Variants in DUSP18 observed in about 807,000 individuals in gnomAD.
DUSP18 encodes dual specificity phosphatase 18.
Under a neutral mutation model 6.3 loss-of-function variants are expected in DUSP18, and 4 were observed. The ratio of observed to expected loss-of-function variants is 0.63; its 90% CI spans 0.31 to 1.45. The LOEUF is 1.45. DUSP18 is among the 40% of genes most tolerant of loss of function. The pLI, the probability that DUSP18 is intolerant of heterozygous loss-of-function variation, is 0.07. For missense variants in DUSP18, 235 were observed against 247.7 expected, an observed-to-expected ratio of 0.95 and a Z score of 0.34; for synonymous variants, 96 against 95.1, an observed-to-expected ratio of 1.01 and a Z score of -0.05.
intron 1 of DUSP18, among the ~76,000 whole-genome samples, chr22:30,665,943 G>A (rs933131374): frequency 4.6e-5 from 7 of 152,162 alleles, no homozygotes; most frequent in African/African-American, 1.7e-4. Context: ...GGGGCTGGGT[G>A]GGGATGGGGG....
Position 30,666,734 on chromosome 22 carries a change from C to G in DUSP18, c.-78+728G>C, listed in dbSNP as rs1463627926. ...CCCCTTTTCTCAGGGAGCTCAAAGA[C>G]TAGTGGGAGAAACAGATAGTAAACA... On this transcript the variant is annotated intron_variant, in intron 1 of 1. Transcript: ENST00000334679. 2.7e-5 allele frequency: 4 copies of G among 148,354 alleles called. No homozygotes were observed. In the East Asian group the frequency reaches 8.0e-4, roughly 30 times the overall value. The allele number at this position is 148,354 out of a possible 1,614,324, so 9.2% of individuals were successfully genotyped here.
Position 30,663,262 on chromosome 22 carries a change from T to TG in DUSP18, c.*174_*175insC, listed in dbSNP as rs1253650364. The TG allele has an allele frequency of 2.8e-5, 19 of 676,420 alleles. No homozygotes were observed. The highest frequency in any genetic ancestry group is 2.6e-5 in the Non-Finnish European group (11 of 415,150). The allele number at this position is 676,420 out of a possible 1,614,324, so 41.9% of individuals were successfully genotyped here. On this transcript the variant is annotated 3_prime_UTR_variant, in exon 2 of 2. Coordinates refer to ENST00000334679, the MANE Select transcript of DUSP18 (RefSeq NM_152511.5). The stretch of plus-strand genomic sequence containing the variant: ...TCACCATCTCACAATTAGTTTAATC[T>TG]TAAAAAAAATGGATTATAAAGTTAA...
At chr22:30,657,835 C>T (rs944657556), downstream of DUSP18, among the ~76,000 whole-genome samples, 19 of 150,706 alleles carry the variant, frequency 1.3e-4, no homozygotes, top group East Asian at 3.3e-3. Flanking sequence ...ACTCGGGAGG[C>T]GGAGCTTGCA....
At chr22:30,652,354 G>T (rs1278368494) in intron 2 of DUSP18, 1 of 152,184 alleles carries the variant, frequency 6.6e-6, no homozygotes, top group African/African-American at 2.4e-5. Flanking sequence ...TCAGAATCTT[G>T]CAGCCTCCAG....
chr22:30,658,188 TCCCA>T, downstream of DUSP18, among the ~76,000 whole-genome samples: 1 of 151,634 alleles, frequency 6.6e-6, no homozygotes, highest in Non-Finnish European at 1.5e-5. Context: ...AGTCTGTCTC[TCCCA>T]CTGGCTGCAA....
In DUSP18 at chr22:30,663,441, A is replaced by G. The variant is rs997453283; in HGVS notation, c.563T>C (p.Leu188Pro). The change falls in exon 2 of 2, where the codon CTG becomes CCG. Residue 188 changes from leucine (L) to proline (P), a missense_variant. Coordinates refer to ENST00000334679, the MANE Select transcript of DUSP18 (RefSeq NM_152511.5). ...TGCAGGGGCTCGTGGGATGGCTCAC[A>G]GTGGAATCATCAAACGGACTTCCTT... ...YEKEVRLMIP[L>P] 2.0e-5 allele frequency: 32 copies of G among 1,607,818 alleles called. No homozygotes were observed. Among genetic ancestry groups the G allele is most frequent in the Non-Finnish European group, 1.4e-5 (17 of 1,175,022 alleles).
intron 2 of DUSP18, chr22:30,654,461 C>T: frequency 4.6e-6 from 2 of 436,600 alleles, no homozygotes; most frequent in South Asian, 1.7e-5. Context: ...GGAACCACCA[C>T]CTGCTTTTTC....
chr22:30,663,382 A>C lies in DUSP18; in HGVS notation c.*55T>G. The C allele has an allele frequency of 6.6e-7, 1 of 1,506,038 alleles. No homozygotes were observed. Among genetic ancestry groups the C allele is most frequent in the Non-Finnish European group, 9.0e-7 (1 of 1,111,344 alleles). The allele number at this position is 1,506,038 out of a possible 1,614,324, so 93.3% of individuals were successfully genotyped here. A position where few individuals can be genotyped will look rare whatever the true frequency, so the allele number is the denominator to read the frequency against. On this transcript the variant is annotated 3_prime_UTR_variant, in exon 2 of 2. Coordinates refer to ENST00000334679, the MANE Select transcript of DUSP18 (RefSeq NM_152511.5). The stretch of plus-strand genomic sequence containing the variant: ...AATGTTCAAGTTTGGATCTTGGTGT[A>C]AGATCAACAATAGATCTGTACCTCT...
intron 2 of DUSP18, chr22:30,654,120 C>T (rs62235874): frequency 8.9e-4 from 204 of 228,680 alleles, no homozygotes; most frequent in Non-Finnish European, 1.5e-3. Context: ...GCTGAGACTA[C>T]GGGCGCCCGC....
downstream of DUSP18, among the ~76,000 whole-genome samples, chr22:30,658,305 G>C (rs967755486): frequency 6.6e-6 from 1 of 151,386 alleles, no homozygotes; most frequent in African/African-American, 2.4e-5. Context: ...TTGGGAGGCT[G>C]AGGCAGGAGG....
downstream of DUSP18, among the ~76,000 whole-genome samples, chr22:30,656,543 C>A (rs984341806): frequency 2.0e-5 from 3 of 152,120 alleles, no homozygotes; most frequent in Non-Finnish European, 4.4e-5. Context: ...TTCATGTAAT[C>A]AAAAAGAGGC....
chr22:30,653,503 G>A (rs1304893131), intron 2 of DUSP18, among the ~76,000 whole-genome samples: 6 of 151,726 alleles, frequency 4.0e-5, no homozygotes, highest in Admixed American at 2.6e-4. Context: ...TCCTGAGTAG[G>A]TGGAACTACA....
At chr22:30,664,385 GGGGT>G (rs2088578481) in intron 1 of DUSP18, among the ~76,000 whole-genome samples, 1 of 152,216 alleles carries the variant, frequency 6.6e-6, no homozygotes, top group Non-Finnish European at 1.5e-5. Flanking sequence ...CCTCCCTTGA[GGGGT>G]CCCACAGCTC....
chr22:30,657,701 G>A (rs902193321), downstream of DUSP18, among the ~76,000 whole-genome samples: 2 of 151,338 alleles, frequency 1.3e-5, no homozygotes, highest in Non-Finnish European at 2.9e-5. Context: ...TCAGGAGATC[G>A]AGACAATCCT....
chr22:30,663,500 A>G lies in DUSP18; in HGVS notation c.504T>C (p.Ser168=), dbSNP rs754294385. ...TGTCAGGGATCATTCCCACTGGGGA[A>G]CTGACCATGTGCACAGTGTTCTTGC... ...LFGKNTVHMV[S]SPVGMIPDIY... The change falls in exon 2 of 2, where the codon AGT becomes AGC. Residue 168 remains serine (S), a synonymous_variant. Transcript: ENST00000334679. 6.2e-7 allele frequency: 1 copy of G among 1,614,170 alleles called. No homozygotes were observed. The highest frequency in any genetic ancestry group is 1.1e-5 in the South Asian group (1 of 91,084).
downstream of DUSP18, among the ~76,000 whole-genome samples, chr22:30,661,205 C>A (rs940065115): frequency 6.6e-6 from 1 of 152,092 alleles, no homozygotes; most frequent in Non-Finnish European, 1.5e-5. Flanking sequence ...GCCACCCCCC[C>A]GCCAAGTGAA....
intron 2 of DUSP18, among the ~76,000 whole-genome samples, chr22:30,655,730 G>A (rs761362807): frequency 7.9e-5 from 12 of 152,034 alleles, no homozygotes; most frequent in Non-Finnish European, 1.8e-4. Context: ...GGTCTGTGGG[G>A]TGCCTTCTTA....
At chr22:30,665,605 C>A (rs1352343706) in intron 1 of DUSP18, 2 of 465,892 alleles carry the variant, frequency 4.3e-6, no homozygotes, top group African/African-American at 4.0e-5. Context: ...CCCTCCCTCA[C>A]GTTTGACCAA....
At chr22:30,655,454 A>G (rs1415590737) in intron 2 of DUSP18, among the ~76,000 whole-genome samples, 2 of 150,782 alleles carry the variant, frequency 1.3e-5, no homozygotes, top group African/African-American at 2.4e-5. Context: ...AAAAAGAAAA[A>G]GAAAAAAAGA....
Sources: gnomAD v4.1 joint callset for allele counts (sites outside exome capture counted in the v4.1 genomes callset) on GRCh38, gnomAD v4.1.1 for gene constraint, MANE v1.5 for transcripts, NCBI Gene and HGNC (gene_info 2026-07-23, HGNC 2026-07-21) for gene names.